KALRN: variants seen among roughly 807,000 people sequenced by gnomAD.
KALRN encodes the protein kalirin.
In KALRN, 70 loss-of-function variants were observed where a neutral mutation model predicts 353.7. That is an observed-to-expected ratio of 0.20 (90% CI 0.16 to 0.24). KALRN has a LOEUF of 0.24. KALRN is among the 10% of genes least tolerant of loss of function. The pLI is 1.00. For missense variants in KALRN, 2,791 were observed against 3,756.7 expected, an observed-to-expected ratio of 0.74 and a Z score of 6.72; for synonymous variants, 1,391 against 1,434.8, an observed-to-expected ratio of 0.97 and a Z score of 0.69.
At chr3:124,530,999 T>C (rs909969490) in intron 33 of KALRN, among the ~76,000 whole-genome samples, 2 of 152,192 alleles carry the variant, frequency 1.3e-5, no homozygotes, top group African/African-American at 4.8e-5. Context: ...TGTAATGTAG[T>C]TTTATCCATA....
chr3:124,315,453 G>A (rs1160336398), intron 6 of KALRN, among the ~76,000 whole-genome samples: 1 of 152,084 alleles, frequency 6.6e-6, no homozygotes, highest in Non-Finnish European at 1.5e-5. Context: ...GCACTGCCTG[G>A]CTCAACCATC....
At chr3:124,397,589 T>G (rs1451565482) in intron 12 of KALRN, among the ~76,000 whole-genome samples, 1 of 152,218 alleles carries the variant, frequency 6.6e-6, no homozygotes, top group East Asian at 1.9e-4. Context: ...GGGCTCTAGC[T>G]TACTCAAGGC....
At chr3:124,491,695 C>A in intron 31 of KALRN, 1 of 326,300 alleles carries the variant, frequency 3.1e-6, no homozygotes. Flanking sequence ...TCAGCAAGGC[C>A]CGCTTAAACT....
At chr3:124,473,102 T>G (rs976295630) in intron 25 of KALRN, among the ~76,000 whole-genome samples, 1 of 152,222 alleles carries the variant, frequency 6.6e-6, no homozygotes, top group African/African-American at 2.4e-5. Context: ...CCAAACATCT[T>G]TAATTGCACA....
chr3:124,251,428 T>C (rs191203781), intron 3 of KALRN, among the ~76,000 whole-genome samples: 2 of 149,482 alleles, frequency 1.3e-5, no homozygotes, highest in East Asian at 4.0e-4. Flanking sequence ...TGGAGTGCAG[T>C]AGTGCAATTT....
intron 1 of KALRN, chr3:124,079,916 G>A (rs1275664323): frequency 3.1e-6 from 1 of 321,838 alleles, no homozygotes; most frequent in Non-Finnish European, 6.9e-6. Flanking sequence ...GCAGGAACGT[G>A]TTTGTTTCCC....
chr3:124,094,747 A>G (rs1160751214), intron 1 of KALRN: 1 of 1,077,232 alleles, frequency 9.3e-7, no homozygotes, highest in Non-Finnish European at 1.4e-6. Context: ...GTGCGAGCCC[A>G]GCGTCAAGTG....
chr3:124,125,798 A>G (rs1217689732), intron 1 of KALRN, among the ~76,000 whole-genome samples: 1 of 152,196 alleles, frequency 6.6e-6, no homozygotes, highest in African/African-American at 2.4e-5. Context: ...TAGGAGGAGT[A>G]AAGAGGTGTT....
intron 36 of KALRN, among the ~76,000 whole-genome samples, chr3:124,635,612 A>C (rs2149875591): frequency 6.6e-6 from 1 of 152,312 alleles, no homozygotes; most frequent in South Asian, 2.1e-4. Flanking sequence ...TGGATGTATT[A>C]AAACAATTTT....
chr3:124,532,160 A>G (rs2068096168), intron 33 of KALRN, among the ~76,000 whole-genome samples: 1 of 152,222 alleles, frequency 6.6e-6, no homozygotes, highest in South Asian at 2.1e-4. Flanking sequence ...GAACTTACTG[A>G]ATCCCCAATA....
At chr3:124,090,775 T>C (rs890530092) in intron 1 of KALRN, among the ~76,000 whole-genome samples, 3 of 152,162 alleles carry the variant, frequency 2.0e-5, no homozygotes, top group Non-Finnish European at 4.4e-5. Flanking sequence ...TCTGGGGAGC[T>C]TGTTAAAAAT....
chr3:124,508,820 T>C (rs2065534577), intron 33 of KALRN, among the ~76,000 whole-genome samples: 1 of 152,248 alleles, frequency 6.6e-6, no homozygotes, highest in African/African-American at 2.4e-5. Flanking sequence ...CACTACTTTG[T>C]ATTGTTAGAC....
intron 1 of KALRN, among the ~76,000 whole-genome samples, chr3:124,083,704 G>T (rs765764500): frequency 1.2e-4 from 19 of 152,230 alleles, no homozygotes; most frequent in Non-Finnish European, 2.5e-4. Context: ...GGAGTTGGCT[G>T]CGGAGCCTTA....
chr3:124,628,091 C>T lies in KALRN; in HGVS notation c.5183-4329C>T, dbSNP rs895586474. On this transcript the variant is annotated intron_variant, in intron 34 of 59. Transcript: ENST00000682506. Reference sequence around the variant, plus strand: ...CATGAGACCAGCCAGTTGTAGCCACCGGAGACAGCTGTCTATTGGCAAAAG... The same window carrying T: ...CATGAGACCAGCCAGTTGTAGCCACTGGAGACAGCTGTCTATTGGCAAAAG... 4.6e-5 allele frequency among the ~76,000 whole-genome samples: 7 copies of T among 152,056 alleles called. 1 individual carries two copies. The highest frequency in any genetic ancestry group is 8.8e-5 in the Non-Finnish European group (6 of 67,988).
intron 17 of KALRN, among the ~76,000 whole-genome samples, chr3:124,434,789 A>G (rs1327292325): frequency 6.6e-6 from 1 of 152,246 alleles, no homozygotes; most frequent in African/African-American, 2.4e-5. Context: ...GGTGTATACT[A>G]AATGCTAGAT....
chr3:124,696,395 C>A, intron 54 of KALRN, 140 bp downstream of exon 54: 2 of 621,908 alleles, frequency 3.2e-6, no homozygotes, highest in Non-Finnish European at 2.6e-6. Flanking sequence ...CTCAGCCTCC[C>A]GATTAGCTGG....
rs1017047689 is a variant in KALRN at position 124,260,356 on chromosome 3, C to G, written c.264-4142C>G. Among the ~76,000 whole-genome samples the G allele has an allele frequency of 2.0e-5, 3 of 152,230 alleles. No individual in the cohort carries two copies. The South Asian group carries it at 6.2e-4, about 31-fold the overall frequency. The stretch of plus-strand genomic sequence containing the variant: ...GCAGCACAGTAGACCAGCCTCCACT[C>G]ATGCTCTGCCTGCCTTCTCTCTCCA... On this transcript the variant is annotated intron_variant, in intron 3 of 59. Transcript: ENST00000682506.
In KALRN at chr3:124,462,570, G is replaced by A. The variant is rs1451637199; in HGVS notation, c.3968G>A (p.Gly1323Glu). The A allele has an allele frequency of 1.9e-6, 3 of 1,612,682 alleles. No individual in the cohort carries two copies. The highest frequency in any genetic ancestry group is 2.5e-6 in the Non-Finnish European group (3 of 1,178,924). The change falls in exon 25 of 60, where the codon GGG (glycine) becomes GAG (glutamate). Residue 1323 changes from glycine to glutamate, a missense_variant. Physicochemically the swap from Gly to Glu is moderately conservative, Grantham distance 98 (BLOSUM62 -2). This residue lies in a region of KALRN where 268 missense variants were observed against 347.0 expected (regional missense o/e 0.77). Coordinates refer to ENST00000682506, the MANE Select transcript of KALRN (RefSeq NM_001388419.1). ...MTSGVEEIPP[G>E]ILNKEHIIFG... is the part of the protein sequence containing the mutation. ...AGTGGTGTGGAGGAGATCCCCCCTG[G>A]GATCCTCAATAAAGAGCATATCATC...
chr3:124,546,692 A>G (rs1054564109), intron 33 of KALRN, among the ~76,000 whole-genome samples: 3 of 152,102 alleles, frequency 2.0e-5, no homozygotes, highest in African/African-American at 7.2e-5. Context: ...TCCATCTTAG[A>G]TGCAGCTGAA....
Sources: allele counts gnomAD v4.1 joint callset (sites outside exome capture counted in the v4.1 genomes callset), GRCh38; gene constraint gnomAD v4.1.1; regional missense constraint gnomAD v4.1.1; transcripts MANE v1.5; gene names NCBI Gene and HGNC (gene_info 2026-07-23, HGNC 2026-07-21).